Variants in GAN observed in about 807,000 individuals in gnomAD.
GAN encodes the protein epididymis secretory sperm binding protein.
GAN carries 48 observed loss-of-function variants against 71.3 expected under a neutral mutation model. The observed-to-expected ratio is 0.67, with a 90% CI of 0.53 to 0.86. The LOEUF is 0.86. Ranked by LOEUF, GAN falls within the 40% of genes least tolerant of loss-of-function variation. The pLI is 0.00. For missense variants in GAN, 928 were observed against 770.1 expected (o/e 1.21, Z -2.43); for synonymous variants, 386 against 276.8 (o/e 1.39, Z -3.92).
intron 1 of GAN, among the ~76,000 whole-genome samples, chr16:81,350,090 A>G (rs938877749): frequency 2.0e-5 from 3 of 151,900 alleles, no homozygotes; most frequent in African/African-American, 7.2e-5. Context: ...TTTTTTTTTA[A>G]GTTTTTTAAA....
At chr16:81,334,004 C>T (rs1282589277) in intron 1 of GAN, among the ~76,000 whole-genome samples, 2 of 152,248 alleles carry the variant, frequency 1.3e-5, no homozygotes, top group Admixed American at 1.3e-4. Flanking sequence ...TTGTAATTCA[C>T]ACTTGCCATG....
chr16:81,324,039 C>G (rs774938320), intron 1 of GAN, among the ~76,000 whole-genome samples: 1 of 152,134 alleles, frequency 6.6e-6, no homozygotes, highest in Non-Finnish European at 1.5e-5. Context: ...TTCAGAATCT[C>G]AAGAATGAGC....
In GAN at chr16:81,354,798, C is replaced by T. The variant is rs375919512; in HGVS notation, c.633+43C>T. The T allele has an allele frequency of 6.3e-6, 7 of 1,113,592 alleles. No homozygotes were observed. In the East Asian group the frequency reaches 7.1e-5, roughly 11 times the overall value. 69.0% of individuals were successfully genotyped at this position (1,113,592 alleles called of 1,614,324 possible). On this transcript the variant is annotated intron_variant, in intron 3 of 10. Coordinates refer to ENST00000648994, the MANE Select transcript of GAN (RefSeq NM_022041.4). ...CATGGTCAAATTTGCCTTTTTATTT[C>T]TTTTTAATTCAAATTTTAGTTGTTT...
intron 1 of GAN, 67 bp from the exon 2 acceptor site, chr16:81,351,516 A>C: frequency 1.3e-6 from 1 of 771,002 alleles, no homozygotes; most frequent in South Asian, 1.4e-5. Flanking sequence ...TAGAGTTTTG[A>C]GTACATAAAT....
rs145100725 is a variant in GAN at position 81,346,318 on chromosome 16, C to T, written c.168-5265C>T. Among the ~76,000 whole-genome samples, 16 of 152,296 alleles carry T rather than the reference C, an allele frequency of 1.1e-4. No individual in the cohort carries two copies. The East Asian group carries it at 3.1e-3, about 29-fold the overall frequency. ...CCCAGAGCTGACTTATTAGGACACACCCATGGCTCACTGCATGGCAGAAAA... is the reference window on the plus strand; with the variant it reads ...CCCAGAGCTGACTTATTAGGACACATCCATGGCTCACTGCATGGCAGAAAA... On this transcript the variant is annotated intron_variant, in intron 1 of 10. Transcript: ENST00000648994.
In GAN at chr16:81,387,181, A is replaced by ATT. The variant is rs1184176737; in HGVS notation, c.*9586_*9587insTT. The ATT allele has an allele frequency of 6.6e-6, 1 of 152,208 alleles. No homozygotes were observed. Among genetic ancestry groups the ATT allele is most frequent in the Non-Finnish European group, 1.5e-5 (1 of 68,042 alleles). 9.4% of individuals were successfully genotyped at this position (152,208 alleles called of 1,614,324 possible). On this transcript the variant is annotated 3_prime_UTR_variant, in exon 11 of 11. Coordinates refer to ENST00000648994, the MANE Select transcript of GAN (RefSeq NM_022041.4). ...GGGTGTTAGATCTGCAATACTCTTCATAGTGTAATGGCTAAATGTAAAGTC... is the reference window on the plus strand; with the variant it reads ...GGGTGTTAGATCTGCAATACTCTTCATTTAGTGTAATGGCTAAATGTAAAGTC...
At chr16:81,375,259 TAAG>T (rs1904276865) in intron 9 of GAN, among the ~76,000 whole-genome samples, 1 of 144,124 alleles carries the variant, frequency 6.9e-6, no homozygotes, top group African/African-American at 2.6e-5. Flanking sequence ...GACAATTGAA[TAAG>T]AAGAAGACAG....
At chr16:81,349,167 T>A (rs1483849990) in intron 1 of GAN, among the ~76,000 whole-genome samples, 2 of 152,148 alleles carry the variant, frequency 1.3e-5, no homozygotes, top group Admixed American at 6.5e-5. Flanking sequence ...CAGTTCTGTT[T>A]TTAGCTTATC....
intron 1 of GAN, among the ~76,000 whole-genome samples, chr16:81,333,366 C>G (rs1402051845): frequency 6.6e-6 from 1 of 152,104 alleles, no homozygotes; most frequent in African/African-American, 2.4e-5. Flanking sequence ...CCTGCATTCA[C>G]CAGTTTTAGT....
At chr16:81,340,911 T>C (rs1325487472) in intron 1 of GAN, among the ~76,000 whole-genome samples, 5 of 151,906 alleles carry the variant, frequency 3.3e-5, no homozygotes, top group Admixed American at 6.6e-5. Flanking sequence ...GTTAGACAAA[T>C]GGCTAACTAG....
chr16:81,324,096 C>T (rs1909302914), intron 1 of GAN, among the ~76,000 whole-genome samples: 1 of 152,172 alleles, frequency 6.6e-6, no homozygotes, highest in African/African-American at 2.4e-5. Flanking sequence ...TTCTGATAGT[C>T]TGCCCTAAAA....
intron 5 of GAN, among the ~76,000 whole-genome samples, chr16:81,362,205 T>C (rs1910697450): frequency 6.6e-6 from 1 of 152,072 alleles, no homozygotes; most frequent in African/African-American, 2.4e-5. Context: ...ACAGAAGAGA[T>C]GAATTGAGAT....
rs1420991433 is a variant in GAN, at chr16:81,315,152, C to T, written c.39C>T (p.Ala13=). 2.6e-6 allele frequency: 4 copies of T among 1,547,424 alleles called. No individual in the cohort carries two copies. Among genetic ancestry groups the T allele is most frequent in the Middle Eastern group, 1.8e-4 (1 of 5,464 alleles). Residue 13 remains alanine, a synonymous_variant, in exon 1 of 11, where the codon GCC becomes GCT. Coordinates refer to ENST00000648994, the MANE Select transcript of GAN (RefSeq NM_022041.4). ...EGSAVSDPQH[A]ARLLRALSSF... ...GTGCCGTGTCTGACCCTCAGCACGC[C>T]GCGCGTCTGCTGCGAGCGCTCAGCT...
At chr16:81,372,411 C>G (rs1039618700) in intron 9 of GAN, among the ~76,000 whole-genome samples, 4 of 152,156 alleles carry the variant, frequency 2.6e-5, no homozygotes, top group Non-Finnish European at 5.9e-5. Context: ...GATGAGGAAG[C>G]AGGCTAGGAT....
intron 1 of GAN, among the ~76,000 whole-genome samples, chr16:81,333,283 G>T (rs1344363536): frequency 2.7e-5 from 4 of 150,582 alleles, no homozygotes; most frequent in Admixed American, 2.6e-4. Context: ...AGGTTAGTCT[G>T]TTTTTCTCTT....
At chr16:81,351,854 C>A (rs1387608523) in intron 2 of GAN, among the ~76,000 whole-genome samples, 157 bp downstream of exon 2, 1 of 152,168 alleles carries the variant, frequency 6.6e-6, no homozygotes, top group Non-Finnish European at 1.5e-5. Context: ...AATGGCACCC[C>A]ATGTGTGTTC....
intron 9 of GAN, among the ~76,000 whole-genome samples, chr16:81,372,397 G>A (rs189085400): frequency 3.6e-4 from 55 of 152,236 alleles, no homozygotes; most frequent in African/African-American, 1.2e-3. Flanking sequence ...TATCTCACTC[G>A]ACAGATGAGG....
chr16:81,352,369 C>G (rs145810473), intron 2 of GAN, among the ~76,000 whole-genome samples: 1 of 152,268 alleles, frequency 6.6e-6, no homozygotes, highest in Non-Finnish European at 1.5e-5. Flanking sequence ...CTACCCATTC[C>G]CCATGACGTG....
Position 81,377,514 on chromosome 16 carries a change from C to T in GAN, c.1712C>T (p.Ala571Val). 2 of 1,614,098 alleles carry T rather than the reference C, an allele frequency of 1.2e-6. No individual in the cohort carries two copies. Among genetic ancestry groups the T allele is most frequent in the Non-Finnish European group, 1.7e-6 (2 of 1,179,914 alleles). The change falls in exon 11 of 11, where the codon GCA becomes GTA. Residue 571 changes from alanine (A) to valine (V), a missense_variant. Coordinates refer to ENST00000648994, the MANE Select transcript of GAN (RefSeq NM_022041.4). ...TCCGACCTTCGCCGTACAGGATGTG[C>T]AGCCTTACGCATTGCGAATTGCAAG... is the stretch of plus-strand genomic sequence containing the variant. ...LPSDLRRTGC[A>V]ALRIANCKLF...
Sources: allele counts gnomAD v4.1 joint callset (sites outside exome capture counted in the v4.1 genomes callset), GRCh38; gene constraint gnomAD v4.1.1; transcripts MANE v1.5; gene names NCBI Gene and HGNC (gene_info 2026-07-23, HGNC 2026-07-21).